The following PGM5 variants were observed in gnomAD, a reference collection of about 807,000 sequenced individuals.
The protein encoded by PGM5 is phosphoglucomutase-like protein 5.
In PGM5, 23 loss-of-function variants were observed where a neutral mutation model predicts 59.2. The observed-to-expected ratio is 0.39, with a 90% confidence interval of 0.28 to 0.55. The LOEUF is 0.55. Among genes scored for constraint, PGM5 ranks in the 20% least tolerant of loss-of-function variants. The probability of loss-of-function intolerance (pLI) is 0.66; values close to 1 mark genes in which losing one functional copy is unlikely to be tolerated. For missense variants in PGM5, 574 were observed against 748.3 expected, an observed-to-expected ratio of 0.77 and a Z score of 2.72; for synonymous variants, 214 against 286.0, an observed-to-expected ratio of 0.75 and a Z score of 2.54.
At chr9:68,506,380 T>A (rs1824654800) in intron 10 of PGM5, among the ~76,000 whole-genome samples, 2 of 152,224 alleles carry the variant, frequency 1.3e-5, no homozygotes, top group South Asian at 4.1e-4. Context: ...TCATAAATGT[T>A]ATCTGACGTC....
chr9:68,427,347 C>T (rs79124235), intron 6 of PGM5, among the ~76,000 whole-genome samples: 1 of 152,172 alleles, frequency 6.6e-6, no homozygotes, highest in Non-Finnish European at 1.5e-5. Context: ...CAGAAGGGGC[C>T]TCTGCAATGT....
intron 6 of PGM5, among the ~76,000 whole-genome samples, chr9:68,447,260 T>C (rs972906176): frequency 1.3e-5 from 2 of 152,200 alleles, no homozygotes; most frequent in Non-Finnish European, 2.9e-5. Context: ...TGACTTTTAG[T>C]GAAAATTTCA....
intron 8 of PGM5, among the ~76,000 whole-genome samples, chr9:68,481,226 G>A (rs921488060): frequency 1.4e-4 from 22 of 152,302 alleles, no homozygotes; most frequent in South Asian, 4.1e-4. Flanking sequence ...GACTGTACTC[G>A]TTAAAATCAA....
At chr9:68,379,530 A>T (rs1822011623) in intron 2 of PGM5, among the ~76,000 whole-genome samples, 1 of 152,182 alleles carries the variant, frequency 6.6e-6, no homozygotes, top group Non-Finnish European at 1.5e-5. Flanking sequence ...CAATAGAGGA[A>T]GAAGAGAACA....
chr9:68,410,221 T>C (rs1822903257), intron 6 of PGM5, among the ~76,000 whole-genome samples: 1 of 152,218 alleles, frequency 6.6e-6, no homozygotes, highest in African/African-American at 2.4e-5. Context: ...CACTTTTGCA[T>C]ATATCCTATA....
intron 9 of PGM5, among the ~76,000 whole-genome samples, chr9:68,489,791 T>C (rs1487278579): frequency 6.6e-6 from 1 of 152,230 alleles, no homozygotes; most frequent in East Asian, 1.9e-4. Context: ...TGAAGTCATT[T>C]GCAAGTCACA....
chr9:68,525,694 A>G (rs1347763578), intron 10 of PGM5, among the ~76,000 whole-genome samples: 1 of 152,258 alleles, frequency 6.6e-6, no homozygotes, highest in Non-Finnish European at 1.5e-5. Flanking sequence ...TATCCCCATC[A>G]TTAAGTGATA....
At chr9:68,388,335 A>G (rs1822280432) in intron 4 of PGM5, among the ~76,000 whole-genome samples, 1 of 145,740 alleles carries the variant, frequency 6.9e-6, no homozygotes, top group African/African-American at 2.6e-5. Context: ...CTTTTAATCA[A>G]GTATGTTTAC....
At chr9:68,421,576 G>A (rs1412325824) in intron 6 of PGM5, among the ~76,000 whole-genome samples, 1 of 152,004 alleles carries the variant, frequency 6.6e-6, no homozygotes, top group Non-Finnish European at 1.5e-5. Flanking sequence ...AATTAGTCAG[G>A]CATGGTGGTG....
chr9:68,453,103 G>A (rs1554684514), intron 6 of PGM5, among the ~76,000 whole-genome samples: 1 of 152,200 alleles, frequency 6.6e-6, no homozygotes, highest in African/African-American at 2.4e-5. Context: ...GTAAATGTGA[G>A]AAATGTATAC....
chr9:68,469,724 T>G (rs1823992121), intron 7 of PGM5, among the ~76,000 whole-genome samples: 1 of 152,144 alleles, frequency 6.6e-6, no homozygotes, highest in South Asian at 2.1e-4. Flanking sequence ...ATTTCTTTGA[T>G]GAATGGTAGG....
Position 68,361,245 on chromosome 9 carries a change from G to A in PGM5, c.261+3857G>A, listed in dbSNP as rs567167288. 5.6e-4 allele frequency among the ~76,000 whole-genome samples: 86 copies of A among 152,264 alleles called. 1 individual carries two copies. Among genetic ancestry groups the A allele is most frequent in the African/African-American group, 2.0e-3 (82 of 41,554 alleles). On this transcript the variant is annotated intron_variant, in intron 1 of 10. Coordinates refer to ENST00000396396, the MANE Select transcript of PGM5 (RefSeq NM_021965.4). ...TAATCAAGGGACACACATTGCATTT[G>A]ATTATTTAGCTCAAGACTTTTTTTA...
intron 1 of PGM5, among the ~76,000 whole-genome samples, chr9:68,369,364 C>T (rs1349993122): frequency 6.6e-6 from 1 of 152,196 alleles, no homozygotes; most frequent in Non-Finnish European, 1.5e-5. Context: ...GCACTCAACT[C>T]TGCTTTCTTG....
At chr9:68,415,003 T>G (rs1391360858) in intron 6 of PGM5, among the ~76,000 whole-genome samples, 2 of 148,340 alleles carry the variant, frequency 1.3e-5, no homozygotes, top group African/African-American at 5.2e-5. Context: ...ATACCAATGG[T>G]AATGCTGCTG....
At chr9:68,527,790 G>A (rs1331203019) in intron 10 of PGM5, among the ~76,000 whole-genome samples, 2 of 152,170 alleles carry the variant, frequency 1.3e-5, no homozygotes, top group African/African-American at 4.8e-5. Flanking sequence ...TTTAATACAT[G>A]TAACCATAAA....
intron 10 of PGM5, among the ~76,000 whole-genome samples, chr9:68,499,598 A>G (rs1450256664): frequency 2.0e-5 from 3 of 152,264 alleles, no homozygotes; most frequent in African/African-American, 7.2e-5. Context: ...TTTCCCAAAC[A>G]ACTGTCCTCT....
chr9:68,489,423 ATGTTGTTGTTGT>A (rs10560976), intron 9 of PGM5, among the ~76,000 whole-genome samples: 3 of 148,790 alleles, frequency 2.0e-5, no homozygotes, highest in South Asian at 2.1e-4. Flanking sequence ...TCCTAATCCT[ATGTTGTTGTTGT>A]TGTTGTTGTT....
At chr9:68,496,070 G>A (rs1824477994) in intron 9 of PGM5, among the ~76,000 whole-genome samples, 1 of 152,016 alleles carries the variant, frequency 6.6e-6, no homozygotes, top group Admixed American at 6.5e-5. Context: ...TAGGTGGCAG[G>A]TCAACTTCTT....
chr9:68,492,181 G>C (rs117369026), intron 9 of PGM5, among the ~76,000 whole-genome samples: 1 of 152,184 alleles, frequency 6.6e-6, no homozygotes, highest in Non-Finnish European at 1.5e-5. Context: ...AAGCTATGCC[G>C]TTGTCTGGGT....
Sources: allele counts gnomAD v4.1 joint callset (sites outside exome capture counted in the v4.1 genomes callset), GRCh38; gene constraint gnomAD v4.1.1; transcripts MANE v1.5; gene names NCBI Gene and HGNC (gene_info 2026-07-23, HGNC 2026-07-21).